Variants in SORL1 observed in about 807,000 individuals in gnomAD.
SORL1 encodes sortilin related receptor 1, also known as sortilin-related receptor.
Under a neutral mutation model 273.7 loss-of-function variants are expected in SORL1, and 127 were observed. The observed-to-expected ratio is 0.46, with a 90% CI of 0.40 to 0.54. The LOEUF is 0.54. SORL1 is among the 20% of genes least tolerant of loss of function. The pLI, the probability that SORL1 is intolerant of heterozygous loss-of-function variation, is 0.00. For synonymous variants in SORL1, 1,031 were observed against 1,067.4 expected (o/e 0.97, Z 0.66); for missense variants, 2,494 against 2,846.1 (o/e 0.88, Z 2.81).
At chr11:121,589,478 C>T (rs1417230655) in intron 29 of SORL1, 88 bp downstream of exon 29, 2 of 1,523,952 alleles carry the variant, frequency 1.3e-6, no homozygotes, top group South Asian at 1.2e-5. Flanking sequence ...GGCAACCCCA[C>T]TGCAGACTTG....
chr11:121,568,848 G>A (rs1175845566), intron 22 of SORL1, among the ~76,000 whole-genome samples: 1 of 152,064 alleles, frequency 6.6e-6, no homozygotes, highest in African/African-American at 2.4e-5. Context: ...CCTCTCTTTT[G>A]ATTTTAACTA....
In SORL1 at chr11:121,574,355, G is replaced by A; in HGVS notation, c.3452G>A (p.Ser1151Asn). ...EDDCGDNSDE[S>N]HCEMHQCRSD... ...GACTGTGGAGACAACAGTGATGAAAGTCATTGTGGTAAGGGGACATCACAT... is the reference window on the plus strand; with the variant it reads ...GACTGTGGAGACAACAGTGATGAAAATCATTGTGGTAAGGGGACATCACAT... Residue 1151 changes from serine to asparagine, a missense_variant, in exon 24 of 48, where the codon AGT becomes AAT. Transcript: ENST00000260197. The A allele has an allele frequency of 7.4e-6, 12 of 1,613,312 alleles. No individual in the cohort carries two copies. Among genetic ancestry groups the A allele is most frequent in the Non-Finnish European group, 1.0e-5 (12 of 1,179,336 alleles).
intron 25 of SORL1, among the ~76,000 whole-genome samples, chr11:121,581,583 G>A (rs1156586614): frequency 1.3e-5 from 2 of 152,012 alleles, no homozygotes; most frequent in African/African-American, 4.8e-5. Flanking sequence ...AGTATTTACC[G>A]GGCACTCAAA....
At chr11:121,510,598 A>G (rs1231268179) in intron 6 of SORL1, among the ~76,000 whole-genome samples, 1 of 152,220 alleles carries the variant, frequency 6.6e-6, no homozygotes, top group Admixed American at 6.5e-5. Context: ...ATCCAGCACG[A>G]AACTTCTGTT....
intron 6 of SORL1, among the ~76,000 whole-genome samples, chr11:121,508,998 A>C (rs1861831418): frequency 1.3e-5 from 2 of 152,084 alleles, no homozygotes; most frequent in Non-Finnish European, 2.9e-5. Context: ...ACGTGCCCTC[A>C]CCAACTTCAA....
At chr11:121,538,388 C>T (rs896129370) in intron 12 of SORL1, among the ~76,000 whole-genome samples, 2 of 152,166 alleles carry the variant, frequency 1.3e-5, no homozygotes, top group African/African-American at 4.8e-5. Flanking sequence ...GTATGTTTAT[C>T]ACTGTAGCTG....
At chr11:121,497,112 G>A in intron 6 of SORL1, 63 bp downstream of exon 6, 1 of 1,417,318 alleles carries the variant, frequency 7.1e-7, no homozygotes, top group Non-Finnish European at 9.8e-7. Context: ...TTGGCATTCT[G>A]TGATTAAACA....
At chr11:121,487,891 G>A (rs1861497450) in intron 3 of SORL1, 141 bp from the exon 4 acceptor site, 2 of 750,034 alleles carry the variant, frequency 2.7e-6, no homozygotes, top group Non-Finnish European at 2.2e-6. Context: ...CATTGTGGAA[G>A]CCCTGTAAGG....
At chr11:121,495,454 T>C (rs1479158013) in intron 5 of SORL1, among the ~76,000 whole-genome samples, 1 of 152,162 alleles carries the variant, frequency 6.6e-6, no homozygotes. Flanking sequence ...GGGGGGAATA[T>C]GCTCTTGACA....
In SORL1 at chr11:121,629,285, G is replaced by A. The variant is rs1034907252; in HGVS notation, c.6578-211G>A. On this transcript the variant is annotated intron_variant, in intron 47 of 47. Coordinates refer to ENST00000260197, the MANE Select transcript of SORL1 (RefSeq NM_003105.6). ...CGTTCAAACGACCACTAAAATAAAT[G>A]TGAGGATCCATCGATGGGTAGAAGG... is the stretch of plus-strand genomic sequence containing the variant. 20 of 527,052 alleles carry A rather than the reference G, an allele frequency of 3.8e-5. No homozygotes were observed. In the Admixed American group the frequency reaches 6.8e-4, roughly 18 times the overall value. The allele number at this position is 527,052 out of a possible 1,614,324, so 32.6% of individuals were successfully genotyped here.
chr11:121,616,365 TTCATTGAGGACCCTGGCAGCTC>T (rs1160837393), intron 41 of SORL1, among the ~76,000 whole-genome samples: 2 of 152,228 alleles, frequency 1.3e-5, no homozygotes, highest in Non-Finnish European at 2.9e-5. Flanking sequence ...CCCTCTTTAG[TTCATTGAGGACCCTGGCAGCTC>T]TCATGATTTT....
intron 19 of SORL1, 61 bp downstream of exon 19, chr11:121,557,466 T>C (rs754071712): frequency 1.5e-5 from 19 of 1,230,420 alleles, no homozygotes; most frequent in Non-Finnish European, 2.3e-5. Flanking sequence ...TAGATTCTCA[T>C]GGAAACACAG....
At chr11:121,464,905 G>T (rs1273340924) in intron 1 of SORL1, among the ~76,000 whole-genome samples, 1 of 152,136 alleles carries the variant, frequency 6.6e-6, no homozygotes, top group African/African-American at 2.4e-5. Context: ...GTAGCATGAG[G>T]GCTTGAGATG....
chr11:121,627,464 A>G lies in SORL1; in HGVS notation c.6365-91A>G. The G allele has an allele frequency of 9.6e-7, 1 of 1,044,572 alleles. No individual in the cohort carries two copies. The highest frequency in any genetic ancestry group is 1.5e-6 in the Non-Finnish European group (1 of 678,750). 64.7% of individuals were successfully genotyped at this position (1,044,572 alleles called of 1,614,324 possible). A position where few individuals can be genotyped will look rare whatever the true frequency, so the allele number is the denominator to read the frequency against. ...GTTTGTGTAGCTGTGGCTATCGCCC[A>G]GCTTTTTTTGGTGGGTGGGGCCTTG... On this transcript the variant is annotated intron_variant, in intron 46 of 47. Transcript: ENST00000260197. The surrounding 1 kb of genome is among the most constrained non-coding windows in gnomAD (Gnocchi z 4.9).
rs2134961486 is a variant in SORL1 at position 121,630,405 on chromosome 11, C to T, written c.*842C>T. ...TTACACACTGGTTTCATTGTCATTGCAAAAACTTACCCTGGTTGTGGGGGA... is the reference window on the plus strand; with the variant it reads ...TTACACACTGGTTTCATTGTCATTGTAAAAACTTACCCTGGTTGTGGGGGA... On this transcript the variant is annotated 3_prime_UTR_variant, in exon 48 of 48. Transcript: ENST00000260197. The T allele has an allele frequency of 6.6e-6, 1 of 152,322 alleles. No homozygotes were observed. Among genetic ancestry groups the T allele is most frequent in the African/African-American group, 2.4e-5 (1 of 41,566 alleles). 9.4% of individuals were successfully genotyped at this position (152,322 alleles called of 1,614,324 possible).
intron 12 of SORL1, among the ~76,000 whole-genome samples, chr11:121,539,496 G>A (rs1591317580): frequency 6.6e-6 from 1 of 152,152 alleles, no homozygotes; most frequent in Non-Finnish European, 1.5e-5. Flanking sequence ...CTATCTTTAA[G>A]TCTTTCAGTT....
At chr11:121,503,464 T>C (rs1591303152) in intron 6 of SORL1, among the ~76,000 whole-genome samples, 1 of 152,300 alleles carries the variant, frequency 6.6e-6, no homozygotes, top group East Asian at 1.9e-4. Flanking sequence ...AATTATTTTC[T>C]CATAAATATG....
rs147294535 is a variant in SORL1 at position 121,619,785 on chromosome 11, C to T, written c.5757C>T (p.Ser1919=). ...VRVVVPYQGP[S]SDYVVVKMIP... ...TAGTGGTACCCTACCAGGGGCCATC[C>T]TCTGACTACGTTGTAGTGAAGATGA... Residue 1919 remains serine (S), a synonymous_variant, in exon 43 of 48, where the codon TCC becomes TCT. Coordinates refer to ENST00000260197, the MANE Select transcript of SORL1 (RefSeq NM_003105.6). 57 of 1,614,028 alleles carry T rather than the reference C, an allele frequency of 3.5e-5. No individual in the cohort carries two copies. Among genetic ancestry groups the T allele is most frequent in the Non-Finnish European group, 4.7e-5 (56 of 1,180,000 alleles).
At chr11:121,619,702 T>G (rs1362765234) in intron 42 of SORL1, 51 bp from the exon 43 acceptor site, 5 of 1,346,308 alleles carry the variant, frequency 3.7e-6, no homozygotes, top group Non-Finnish European at 4.1e-6. Flanking sequence ...TAATAAAGAT[T>G]GCATAAGGCC....
Sources: gnomAD v4.1 joint callset for allele counts (sites outside exome capture counted in the v4.1 genomes callset) on GRCh38, gnomAD v4.1.1 for gene constraint, Gnocchi (gnomAD v3.1) non-coding constraint, MANE v1.5 for transcripts, NCBI Gene and HGNC (gene_info 2026-07-23, HGNC 2026-07-21) for gene names.